The following BAALC variants were observed in gnomAD, a reference collection of about 807,000 sequenced individuals.
BAALC encodes the protein brain and acute leukemia cytoplasmic protein.
A neutral mutation model predicts 15.5 loss-of-function variants in BAALC; 9 were observed. The ratio of observed to expected loss-of-function variants is 0.58; its 90% CI spans 0.35 to 1.02. The LOEUF is 1.02. Ranked by LOEUF, BAALC falls within the 50% of genes least tolerant of loss-of-function variation. The pLI, the probability that BAALC is intolerant of heterozygous loss-of-function variation, is 0.02. For missense variants in BAALC, 201 were observed against 192.4 expected, an observed-to-expected ratio of 1.04 and a Z score of -0.27; for synonymous variants, 80 against 74.6, an observed-to-expected ratio of 1.07 and a Z score of -0.37.
intron 2 of BAALC, among the ~76,000 whole-genome samples, chr8:103,223,049 A>G (rs1392996881): frequency 6.6e-6 from 1 of 152,202 alleles, no homozygotes; most frequent in African/African-American, 2.4e-5. Flanking sequence ...TGGCTGGCTC[A>G]CGCCTGTAAT....
chr8:103,216,946 G>A (rs1038643087), intron 2 of BAALC, among the ~76,000 whole-genome samples: 2 of 152,084 alleles, frequency 1.3e-5, no homozygotes, highest in Non-Finnish European at 2.9e-5. Flanking sequence ...CCCCCATGCC[G>A]CACATACACA....
At chr8:103,224,642 A>G (rs955447465) in intron 2 of BAALC, among the ~76,000 whole-genome samples, 6 of 152,004 alleles carry the variant, frequency 3.9e-5, no homozygotes, top group African/African-American at 1.5e-4. Flanking sequence ...CTAAAAGGGC[A>G]CCTAGCTCTT....
chr8:103,169,312 C>A (rs376759651), intron 1 of BAALC, among the ~76,000 whole-genome samples: 1 of 152,036 alleles, frequency 6.6e-6, no homozygotes, highest in Non-Finnish European at 1.5e-5. Flanking sequence ...GTTTTTTAGA[C>A]GCAATATCTT....
rs187363843 is a variant in BAALC, at chr8:103,212,857, G to T, written c.161-62G>T. ...ACTATCTGTTTCTCCACCATTTTGG[G>T]ATTGTTTGCAACATCTGCCATGTGC... On this transcript the variant is annotated intron_variant, in intron 1 of 2. Transcript: ENST00000309982. The T allele has an allele frequency of 1.2e-3, 1,761 of 1,501,578 alleles. 21 individuals carry two copies. The highest frequency in any genetic ancestry group is 0.011 in the South Asian group (807 of 73,228). 93.0% of individuals were successfully genotyped at this position (1,501,578 alleles called of 1,614,324 possible). A position where few individuals can be genotyped will look rare whatever the true frequency, so the allele number is the denominator to read the frequency against.
intron 2 of BAALC, among the ~76,000 whole-genome samples, chr8:103,225,545 G>A (rs1266902664): frequency 3.3e-5 from 5 of 152,188 alleles, no homozygotes; most frequent in African/African-American, 9.7e-5. Context: ...CAGGGCAGGG[G>A]ATCAGATTCA....
At chr8:103,184,779 G>T (rs1811796406) in intron 1 of BAALC, among the ~76,000 whole-genome samples, 2 of 152,178 alleles carry the variant, frequency 1.3e-5, no homozygotes, top group South Asian at 4.1e-4. Flanking sequence ...ACCAGATGTG[G>T]TGACTCACCC....
At chr8:103,190,392 C>T (rs1394948773) in intron 1 of BAALC, among the ~76,000 whole-genome samples, 1 of 152,172 alleles carries the variant, frequency 6.6e-6, no homozygotes, top group Non-Finnish European at 1.5e-5. Context: ...CACCTCTTGC[C>T]TCCAATTACT....
chr8:103,171,398 A>AAAGG (rs1386922436), intron 1 of BAALC, among the ~76,000 whole-genome samples: 3 of 136,888 alleles, frequency 2.2e-5, no homozygotes, highest in Non-Finnish European at 4.8e-5. Context: ...GGAAGGAAGG[A>AAAGG]AGGAAAGAAA....
chr8:103,148,216 C>T (rs1324186919), intron 1 of BAALC, among the ~76,000 whole-genome samples: 2 of 152,118 alleles, frequency 1.3e-5, no homozygotes, highest in South Asian at 2.1e-4. Context: ...TAGAGAGACA[C>T]ACAGGGAGAA....
At chr8:103,194,303 A>T (rs1812041935) in intron 1 of BAALC, among the ~76,000 whole-genome samples, 1 of 152,260 alleles carries the variant, frequency 6.6e-6, no homozygotes, top group African/African-American at 2.4e-5. Flanking sequence ...TCTAGCAAAC[A>T]AGAATCTTTT....
intron 1 of BAALC, among the ~76,000 whole-genome samples, chr8:103,212,006 A>G (rs1459264696): frequency 6.6e-6 from 1 of 152,168 alleles, no homozygotes; most frequent in Non-Finnish European, 1.5e-5. Context: ...TTCCAATAAG[A>G]TTCTGTTCAT....
intron 2 of BAALC, among the ~76,000 whole-genome samples, chr8:103,219,230 G>T (rs7817074): frequency 0.046 from 7,011 of 152,244 alleles, 195 homozygotes; most frequent in South Asian, 0.1. Context: ...CAACTGGAAG[G>T]CTCTCAGGGC....
At chr8:103,214,611 A>G (rs1349935219) in intron 2 of BAALC, among the ~76,000 whole-genome samples, 1 of 152,218 alleles carries the variant, frequency 6.6e-6, no homozygotes, top group African/African-American at 2.4e-5. Flanking sequence ...TTGCAAATTC[A>G]TCTCTAAAGC....
At chr8:103,172,548 C>T (rs1811520771) in intron 1 of BAALC, among the ~76,000 whole-genome samples, 1 of 151,902 alleles carries the variant, frequency 6.6e-6, no homozygotes, top group Admixed American at 6.6e-5. Context: ...ATTACAGGCA[C>T]CCACCACCAT....
Position 103,205,913 on chromosome 8 carries a change from T to A in BAALC, c.161-7006T>A, listed in dbSNP as rs368420557. ...GAGTGGTGTGGAGTAGACATGCAAA[T>A]AGAGCCCAGGGTTTAGTACAGTGCA... On this transcript the variant is annotated intron_variant, in intron 1 of 2. Coordinates refer to ENST00000309982, the MANE Select transcript of BAALC (RefSeq NM_024812.3). 9.2e-5 allele frequency among the ~76,000 whole-genome samples: 14 copies of A among 152,270 alleles called. No individual in the cohort carries two copies. The South Asian group carries it at 2.7e-3, about 29-fold the overall frequency.
intron 1 of BAALC, among the ~76,000 whole-genome samples, chr8:103,169,854 A>G (rs1261165508): frequency 6.6e-6 from 1 of 152,246 alleles, no homozygotes; most frequent in East Asian, 1.9e-4. Context: ...CAGATTTGGT[A>G]TTTTGGGGAG....
At chr8:103,198,096 T>C in intron 1 of BAALC, 1 of 701,444 alleles carries the variant, frequency 1.4e-6, no homozygotes, top group Non-Finnish European at 2.6e-6. Flanking sequence ...CATGTACTGT[T>C]AGGGTGCCTT....
intron 1 of BAALC, among the ~76,000 whole-genome samples, chr8:103,170,270 A>G (rs1243430250): frequency 6.6e-6 from 1 of 151,478 alleles, no homozygotes; most frequent in Non-Finnish European, 1.5e-5. Context: ...GTTATATTGT[A>G]GAAAATGGAC....
intron 1 of BAALC, among the ~76,000 whole-genome samples, chr8:103,184,014 G>C (rs79249779): frequency 0.017 from 2,581 of 152,296 alleles, 64 homozygotes; most frequent in African/African-American, 0.057. Context: ...GGCTCCTTGG[G>C]AGAATCCATT....
Sources: allele counts gnomAD v4.1 joint callset (sites outside exome capture counted in the v4.1 genomes callset), GRCh38; gene constraint gnomAD v4.1.1; transcripts MANE v1.5; gene names NCBI Gene and HGNC (gene_info 2026-07-23, HGNC 2026-07-21).